PRKCQ: variants seen among roughly 807,000 people sequenced by gnomAD.
The protein encoded by PRKCQ is protein kinase C theta type.
A neutral mutation model predicts 91.2 loss-of-function variants in PRKCQ; 41 were observed. The ratio of observed to expected loss-of-function variants is 0.45; its 90% CI spans 0.35 to 0.58. The LOEUF is 0.58. Among genes scored for constraint, PRKCQ ranks in the 20% least tolerant of loss-of-function variants. The pLI is 0.00. For missense variants in PRKCQ, 673 were observed against 896.5 expected (o/e 0.75, Z 3.18); for synonymous variants, 307 against 316.9 (o/e 0.97, Z 0.33).
intron 16 of PRKCQ, among the ~76,000 whole-genome samples, chr10:6,432,751 C>T (rs573133607): frequency 2.3e-4 from 35 of 152,288 alleles, no homozygotes; most frequent in African/African-American, 5.5e-4. Flanking sequence ...TGGAGTCTGA[C>T]GCTGACTCAC....
intron 15 of PRKCQ, among the ~76,000 whole-genome samples, chr10:6,451,309 A>G (rs1834662708): frequency 6.6e-6 from 1 of 152,034 alleles, no homozygotes; most frequent in South Asian, 2.1e-4. Context: ...CTCTACACAA[A>G]TAAACTAGAA....
chr10:6,575,591 C>T (rs1841199581), intron 1 of PRKCQ, among the ~76,000 whole-genome samples: 1 of 152,148 alleles, frequency 6.6e-6, no homozygotes. Flanking sequence ...TAATTCTACA[C>T]TAGAAAAAGG....
At chr10:6,462,039 G>A (rs1835376844) in intron 14 of PRKCQ, among the ~76,000 whole-genome samples, 2 of 152,190 alleles carry the variant, frequency 1.3e-5, no homozygotes, top group Admixed American at 1.3e-4. Context: ...AGTGAAAATG[G>A]GAAAAGGAAG....
downstream of PRKCQ, among the ~76,000 whole-genome samples, chr10:6,425,890 A>C (rs982631801): frequency 6.6e-6 from 1 of 152,204 alleles, no homozygotes; most frequent in Non-Finnish European, 1.5e-5. Context: ...TCCTGTTTCT[A>C]AGAGCCAACA....
intron 1 of PRKCQ, among the ~76,000 whole-genome samples, chr10:6,566,960 G>A (rs1840858394): frequency 6.6e-6 from 1 of 152,102 alleles, no homozygotes; most frequent in African/African-American, 2.4e-5. Context: ...TTGGTAACTG[G>A]AGGGAAATAA....
intron 15 of PRKCQ, among the ~76,000 whole-genome samples, chr10:6,453,512 C>T (rs946786282): frequency 2.6e-5 from 4 of 152,266 alleles, no homozygotes; most frequent in African/African-American, 4.8e-5. Context: ...GTCAGTGTGG[C>T]GATTCCTCAG....
At chr10:6,543,307 G>A (rs941619631) in intron 1 of PRKCQ, among the ~76,000 whole-genome samples, 7 of 152,212 alleles carry the variant, frequency 4.6e-5, no homozygotes, top group South Asian at 2.1e-4. Context: ...CAGCCCTGGC[G>A]GAGCAGCACA....
At chr10:6,534,420 A>G (rs182898573) in intron 1 of PRKCQ, among the ~76,000 whole-genome samples, 5 of 152,134 alleles carry the variant, frequency 3.3e-5, no homozygotes, top group Admixed American at 2.0e-4. Flanking sequence ...TTTTGGGAAA[A>G]TTTTGTAATA....
chr10:6,577,758 A>T (rs1414968100), intron 1 of PRKCQ, among the ~76,000 whole-genome samples: 1 of 151,724 alleles, frequency 6.6e-6, no homozygotes. Flanking sequence ...AGCAACTCTA[A>T]GACATCAATC....
intron 1 of PRKCQ, among the ~76,000 whole-genome samples, chr10:6,548,187 C>T (rs1840038884): frequency 6.6e-6 from 1 of 150,586 alleles, no homozygotes; most frequent in Non-Finnish European, 1.5e-5. Context: ...AATGAGATAC[C>T]ATCTCACACC....
At chr10:6,563,268 T>C (rs142277475) in intron 1 of PRKCQ, among the ~76,000 whole-genome samples, 28 of 151,702 alleles carry the variant, frequency 1.8e-4, no homozygotes, top group African/African-American at 6.8e-4. Flanking sequence ...GTGCCTCTCC[T>C]CCTCTTCTCG....
the PRKCQ span, among the ~76,000 whole-genome samples, chr10:6,412,856 G>A: frequency 6.6e-6 from 1 of 152,240 alleles, no homozygotes; most frequent in Admixed American, 6.5e-5. Flanking sequence ...GCCTGGTATT[G>A]TCAGTACTCC....
chr10:6,398,801 T>A, the PRKCQ span, among the ~76,000 whole-genome samples: 1 of 152,114 alleles, frequency 6.6e-6, no homozygotes, highest in Non-Finnish European at 1.5e-5. Context: ...TCACCCAGGC[T>A]GGAGTGCAGT....
chr10:6,408,264 T>G, the PRKCQ span, among the ~76,000 whole-genome samples: 2 of 152,172 alleles, frequency 1.3e-5, no homozygotes, highest in African/African-American at 2.4e-5. Context: ...TGACATATTA[T>G]TCTGTGTTCT....
chr10:6,413,351 C>T, the PRKCQ span, among the ~76,000 whole-genome samples: 1 of 152,166 alleles, frequency 6.6e-6, no homozygotes, highest in South Asian at 2.1e-4. Context: ...AACTTCTCAT[C>T]AATGTCACCA....
At chr10:6,525,718 C>A (rs181098654) in intron 1 of PRKCQ, among the ~76,000 whole-genome samples, 135 of 152,306 alleles carry the variant, frequency 8.9e-4, no homozygotes, top group African/African-American at 3.2e-3. Context: ...GGCTCACTTG[C>A]CTCTTTCCTC....
the PRKCQ span, among the ~76,000 whole-genome samples, chr10:6,397,769 C>CA: frequency 2.0e-4 from 30 of 152,144 alleles, no homozygotes; most frequent in African/African-American, 7.2e-4. Flanking sequence ...ACTAAAAGTA[C>CA]AAAAAATTAG....
intron 12 of PRKCQ, among the ~76,000 whole-genome samples, chr10:6,474,055 T>C (rs1034959009): frequency 6.6e-6 from 1 of 152,232 alleles, no homozygotes; most frequent in Non-Finnish European, 1.5e-5. Flanking sequence ...CACACACTCA[T>C]GCCCTGAAGC....
At chr10:6,511,297 T>A in intron 2 of PRKCQ, 103 bp from the exon 3 acceptor site, 1 of 1,111,986 alleles carries the variant, frequency 9.0e-7, no homozygotes, top group Non-Finnish European at 1.3e-6. Context: ...CTCTGGGATA[T>A]AGAATTCTGT....
Sources: gnomAD v4.1 joint callset for allele counts (sites outside exome capture counted in the v4.1 genomes callset) on GRCh38, gnomAD v4.1.1 for gene constraint, MANE v1.5 for transcripts, NCBI Gene and HGNC (gene_info 2026-07-23, HGNC 2026-07-21) for gene names.